The following LRRTM4 variants were observed in gnomAD, a reference collection of about 807,000 sequenced individuals.
The protein encoded by LRRTM4 is leucine-rich repeat transmembrane neuronal protein 4.
LRRTM4 carries 25 observed loss-of-function variants against 47.6 expected under a neutral mutation model. The ratio of observed to expected loss-of-function variants is 0.53; its 90% CI spans 0.38 to 0.73. The LOEUF (loss-of-function observed/expected upper bound fraction) is 0.73. Ranked by LOEUF, LRRTM4 falls within the 30% of genes least tolerant of loss-of-function variation. The pLI is 0.00. For synonymous variants in LRRTM4, 311 were observed against 269.5 expected (o/e 1.15, Z -1.51); for missense variants, 638 against 713.4 (o/e 0.89, Z 1.20).
At chr2:77,039,906 G>A (rs1488968551) in intron 3 of LRRTM4, among the ~76,000 whole-genome samples, 1 of 150,798 alleles carries the variant, frequency 6.6e-6, no homozygotes, top group African/African-American at 2.4e-5. Flanking sequence ...TTTCTCATTA[G>A]TTAATATTAA....
intron 3 of LRRTM4, among the ~76,000 whole-genome samples, chr2:76,876,612 A>G (rs1055556316): frequency 1.3e-5 from 2 of 152,018 alleles, no homozygotes; most frequent in African/African-American, 4.8e-5. Flanking sequence ...ATGTTTATAG[A>G]AAGTAGAGCA....
At chr2:77,474,898 C>G (rs1677326493) in intron 3 of LRRTM4, among the ~76,000 whole-genome samples, 1 of 152,010 alleles carries the variant, frequency 6.6e-6, no homozygotes, top group Non-Finnish European at 1.5e-5. Flanking sequence ...AATATTTTTA[C>G]AACTTAGTTG....
At chr2:77,076,618 T>C (rs1024353230) in intron 3 of LRRTM4, among the ~76,000 whole-genome samples, 2 of 152,196 alleles carry the variant, frequency 1.3e-5, no homozygotes, top group African/African-American at 4.8e-5. Flanking sequence ...TACATTGAAA[T>C]GAAGCATGGT....
At chr2:77,296,324 G>A (rs907814024) in intron 3 of LRRTM4, among the ~76,000 whole-genome samples, 1 of 152,074 alleles carries the variant, frequency 6.6e-6, no homozygotes, top group Non-Finnish European at 1.5e-5. Context: ...GACATTAAAT[G>A]GTTTTTATAT....
In LRRTM4 at chr2:77,084,535, G is replaced by T. The variant is rs186975559; in HGVS notation, c.1552-335619C>A. ...CATATTTACCCTTACATTATTTATGGTAAGTTGACTAGTTTATGCATGTTT... is the reference window on the plus strand; with the variant it reads ...CATATTTACCCTTACATTATTTATGTTAAGTTGACTAGTTTATGCATGTTT... On this transcript the variant is annotated intron_variant, in intron 3 of 3. Transcript: ENST00000409884. Among the ~76,000 whole-genome samples the T allele has an allele frequency of 2.2e-3, 339 of 152,174 alleles. 10 individuals are homozygous for T. The South Asian group carries it at 0.054, about 24-fold the overall frequency.
intron 3 of LRRTM4, among the ~76,000 whole-genome samples, chr2:77,491,102 CAGAG>C (rs959758860): frequency 5.9e-5 from 9 of 151,346 alleles, no homozygotes; most frequent in Non-Finnish European, 1.0e-4. Context: ...GAGAAACAGA[CAGAG>C]AGAGAGAAGA....
chr2:77,091,392 A>G (rs911707495), intron 3 of LRRTM4, among the ~76,000 whole-genome samples: 1 of 146,274 alleles, frequency 6.8e-6, no homozygotes, highest in Admixed American at 6.7e-5. Flanking sequence ...TAAAAAGATT[A>G]AAGCCTGTTA....
At chr2:76,889,366 T>G (rs1302237848) in intron 3 of LRRTM4, among the ~76,000 whole-genome samples, 5 of 152,010 alleles carry the variant, frequency 3.3e-5, no homozygotes, top group African/African-American at 1.2e-4. Flanking sequence ...ATATTCCTTT[T>G]TGTCCATATA....
chr2:77,265,677 C>G (rs962925689), intron 3 of LRRTM4, among the ~76,000 whole-genome samples: 1 of 151,920 alleles, frequency 6.6e-6, no homozygotes, highest in African/African-American at 2.4e-5. Flanking sequence ...AAGAAGTGTA[C>G]TATGAGATTT....
intron 3 of LRRTM4, among the ~76,000 whole-genome samples, chr2:76,874,984 TC>T (rs1013580440): frequency 6.6e-6 from 1 of 152,110 alleles, no homozygotes; most frequent in African/African-American, 2.4e-5. Flanking sequence ...ATTTCTGGTC[TC>T]CAGCTTATAT....
chr2:77,139,690 G>A (rs1162155214), intron 3 of LRRTM4, among the ~76,000 whole-genome samples: 1 of 152,152 alleles, frequency 6.6e-6, no homozygotes. Flanking sequence ...AATTGTCCCT[G>A]TTTGTAGATG....
chr2:77,113,505 C>T (rs1041180573), intron 3 of LRRTM4, among the ~76,000 whole-genome samples: 23 of 151,988 alleles, frequency 1.5e-4, no homozygotes, highest in Admixed American at 3.3e-4. Context: ...CTTGTGTTGG[C>T]GTAATAAGAG....
At chr2:76,882,273 AG>A (rs1461331987) in intron 3 of LRRTM4, among the ~76,000 whole-genome samples, 2 of 152,146 alleles carry the variant, frequency 1.3e-5, no homozygotes, top group Non-Finnish European at 2.9e-5. Context: ...AGGAGTGAAC[AG>A]GGTTCTAATA....
intron 3 of LRRTM4, among the ~76,000 whole-genome samples, chr2:76,892,058 T>C (rs1300226745): frequency 1.3e-5 from 2 of 151,682 alleles, no homozygotes; most frequent in Non-Finnish European, 3.0e-5. Context: ...TGAGTAATTT[T>C]AATATTGTTG....
At chr2:76,911,736 GAAT>G (rs1038348415) in intron 3 of LRRTM4, among the ~76,000 whole-genome samples, 4 of 152,062 alleles carry the variant, frequency 2.6e-5, no homozygotes, top group African/African-American at 9.7e-5. Flanking sequence ...AGTAGAAATG[GAAT>G]AGGCCAATCA....
intron 3 of LRRTM4, among the ~76,000 whole-genome samples, chr2:76,921,406 G>A (rs1315248487): frequency 6.6e-6 from 1 of 152,036 alleles, no homozygotes; most frequent in Non-Finnish European, 1.5e-5. Context: ...TCACCTGGTA[G>A]AGGTAATGTT....
chr2:77,266,276 A>G (rs2104055513), intron 3 of LRRTM4, among the ~76,000 whole-genome samples: 1 of 152,324 alleles, frequency 6.6e-6, no homozygotes, highest in Non-Finnish European at 1.5e-5. Flanking sequence ...AGTATTATTC[A>G]GATGTCTTGG....
At chr2:77,084,598 T>C (rs1428973654) in intron 3 of LRRTM4, among the ~76,000 whole-genome samples, 6 of 152,216 alleles carry the variant, frequency 3.9e-5, no homozygotes, top group Admixed American at 6.5e-5. Flanking sequence ...CATCTACATG[T>C]AATGGTTAAG....
intron 3 of LRRTM4, among the ~76,000 whole-genome samples, chr2:77,233,579 C>T (rs920071377): frequency 1.6e-4 from 24 of 152,092 alleles, no homozygotes; most frequent in Non-Finnish European, 3.1e-4. Flanking sequence ...TTCAAGTTTT[C>T]TATATCTCAA....
Sources: gnomAD v4.1 joint callset for allele counts (sites outside exome capture counted in the v4.1 genomes callset) on GRCh38, gnomAD v4.1.1 for gene constraint, MANE v1.5 for transcripts, NCBI Gene and HGNC (gene_info 2026-07-23, HGNC 2026-07-21) for gene names.